The following DNAH3 variants were observed in gnomAD, a reference collection of about 807,000 sequenced individuals.
The protein encoded by DNAH3 is axonemal beta dynein heavy chain 3.
A neutral mutation model predicts 432.5 loss-of-function variants in DNAH3; 332 were observed. The observed-to-expected ratio is 0.77, with a 90% CI of 0.70 to 0.84. The LOEUF is 0.84. Ranked by LOEUF, DNAH3 falls within the 40% of genes least tolerant of loss-of-function variation. The probability of loss-of-function intolerance (pLI) is 0.00; values close to 1 mark genes in which losing one functional copy is unlikely to be tolerated. For missense variants in DNAH3, 4,861 were observed against 5,114.0 expected (o/e 0.95, Z 1.51); for synonymous variants, 1,956 against 1,900.2 (o/e 1.03, Z -0.76).
chr16:21,110,024 T>C (rs1332008146), intron 14 of DNAH3, among the ~76,000 whole-genome samples: 1 of 152,140 alleles, frequency 6.6e-6, no homozygotes, highest in African/African-American at 2.4e-5. Flanking sequence ...CAATCTCATG[T>C]TGGGACTATA....
chr16:21,019,148 C>CTCT (rs1229312096), intron 41 of DNAH3: 1 of 106,772 alleles, frequency 9.4e-6, no homozygotes, highest in Non-Finnish European at 1.9e-5. Context: ...TGGGCCAACT[C>CTCT]TATTTTTTTT....
At position 20,941,504 on chromosome 16, in the gene DNAH3, G is replaced by A. The variant is rs138149672; in HGVS notation, c.11551C>T (p.Leu3851Phe). 9 of 1,614,074 alleles carry A rather than the reference G, an allele frequency of 5.6e-6. No individual in the cohort carries two copies. In the African/African-American group the frequency reaches 1.1e-4, roughly 19 times the overall value. ...TCTTCCAGGTCAAAGTCTCTGGGAA[G>A]CTTGGAGAGAATGTCTTGTGCCAAC... Residue 3851 changes from leucine (L) to phenylalanine (F), a missense_variant, in exon 59 of 62, where the codon CTT becomes TTT. By Grantham distance (22) the Leu-to-Phe change is conservative. Coordinates refer to ENST00000261383, the Ensembl canonical transcript of DNAH3.
At chr16:21,066,660 T>G (rs2090561614) in intron 24 of DNAH3, among the ~76,000 whole-genome samples, 1 of 152,178 alleles carries the variant, frequency 6.6e-6, no homozygotes, top group Non-Finnish European at 1.5e-5. Flanking sequence ...TGAGCCACCA[T>G]GACCAGCCTG....
At chr16:20,965,490 G>T in intron 52 of DNAH3, 65 bp from the exon 53 acceptor site, 1 of 1,356,858 alleles carries the variant, frequency 7.4e-7, no homozygotes. Context: ...AAATTCTGCA[G>T]TGGTTACTGC....
chr16:21,086,888 A>G, exon 19 of DNAH3: 1 of 1,614,190 alleles, frequency 6.2e-7, no homozygotes, highest in Non-Finnish European at 8.5e-7. Context: ...GGTTGCAGGA[A>G]ATACTGAGGA....
chr16:21,141,263 C>A, intron 4 of DNAH3, 37 bp downstream of exon 5: 1 of 1,458,930 alleles, frequency 6.9e-7, no homozygotes, highest in Non-Finnish European at 9.4e-7. Flanking sequence ...TTCAGCCCAC[C>A]GTCCTGCCTT....
At chr16:20,959,336 C>T (rs2084709281) in exon 54 of DNAH3, 2 of 1,614,200 alleles carry the variant, frequency 1.2e-6, no homozygotes, top group African/African-American at 1.3e-5. Context: ...GGGCCTTGGC[C>T]TTGGCCAAGG....
intron 41 of DNAH3, among the ~76,000 whole-genome samples, chr16:21,015,192 A>G (rs914371215): frequency 6.6e-6 from 1 of 152,242 alleles, no homozygotes; most frequent in Non-Finnish European, 1.5e-5. Flanking sequence ...GCATGGATAA[A>G]CATACATACA....
chr16:21,139,351 G>T (rs1234169077), intron 5 of DNAH3, among the ~76,000 whole-genome samples: 2 of 21,960 alleles, frequency 9.1e-5, no homozygotes, highest in South Asian at 1.8e-3. Context: ...TTTTTTTTTT[G>T]AGATATGGTC....
rs974515200 is a variant in DNAH3, at chr16:20,962,408, T to C, written c.10600+876A>G. 5.3e-5 allele frequency among the ~76,000 whole-genome samples: 8 copies of C among 152,220 alleles called. No homozygotes were observed. In the East Asian group the frequency reaches 1.5e-3, roughly 29 times the overall value. On this transcript the variant is annotated intron_variant, in intron 53 of 61. Coordinates refer to ENST00000261383, the Ensembl canonical transcript of DNAH3. The stretch of plus-strand genomic sequence containing the variant: ...CGTGCATTGTGAGGCTTCTTTAAAC[T>C]CCCCAGGTGATTCCAATGTGCAGCC...
chr16:20,944,068 A>C (rs974509974), intron 58 of DNAH3, among the ~76,000 whole-genome samples: 3 of 151,780 alleles, frequency 2.0e-5, no homozygotes, highest in African/African-American at 7.3e-5. Flanking sequence ...TTCAGCTTTC[A>C]TTTTCTTTTT....
intron 41 of DNAH3, among the ~76,000 whole-genome samples, chr16:21,012,761 T>G (rs567008864): frequency 6.6e-6 from 1 of 152,170 alleles, no homozygotes; most frequent in Admixed American, 6.5e-5. Flanking sequence ...AAACACTTTT[T>G]AATTTTTTTT....
At chr16:20,974,993 T>G (rs895247568) in intron 51 of DNAH3, among the ~76,000 whole-genome samples, 1 of 148,528 alleles carries the variant, frequency 6.7e-6, no homozygotes, top group African/African-American at 2.5e-5. Context: ...TAGTTTTTTT[T>G]TTTTTTTTTT....
At chr16:21,075,725 C>T (rs1237835458) in intron 20 of DNAH3, among the ~76,000 whole-genome samples, 164 bp from the exon 21 acceptor site, 1 of 151,698 alleles carries the variant, frequency 6.6e-6, no homozygotes, top group Admixed American at 6.6e-5. Flanking sequence ...CCAGCCTGGG[C>T]AATATAGCAA....
chr16:21,158,164 T>C (rs1456188879), intron 1 of DNAH3, among the ~76,000 whole-genome samples: 2 of 152,248 alleles, frequency 1.3e-5, no homozygotes, highest in African/African-American at 2.4e-5. Context: ...GACTTTTTCA[T>C]GTGTAAAATG....
chr16:21,153,870 C>T (rs1238197777), intron 1 of DNAH3, among the ~76,000 whole-genome samples: 1 of 152,216 alleles, frequency 6.6e-6, no homozygotes, highest in Non-Finnish European at 1.5e-5. Context: ...TTTTCTACTC[C>T]TTTTCCTCAA....
intron 44 of DNAH3, among the ~76,000 whole-genome samples, chr16:20,993,559 T>C (rs558758477): frequency 5.9e-5 from 9 of 152,350 alleles, no homozygotes; most frequent in African/African-American, 2.2e-4. Flanking sequence ...TCCTTAAGTA[T>C]CTTAAATGTG....
At chr16:20,965,549 C>T in intron 52 of DNAH3, 124 bp from the exon 53 acceptor site, 1 of 759,210 alleles carries the variant, frequency 1.3e-6, no homozygotes, top group Non-Finnish European at 2.0e-6. Context: ...AGAGGCCCAG[C>T]CAACCTCATC....
chr16:21,053,163 C>G (rs1215871599), intron 28 of DNAH3, among the ~76,000 whole-genome samples: 1 of 152,130 alleles, frequency 6.6e-6, no homozygotes. Flanking sequence ...TTCCATTGAG[C>G]CTTTCCTTCC....
Sources: gnomAD v4.1 joint callset for allele counts (sites outside exome capture counted in the v4.1 genomes callset) on GRCh38, gnomAD v4.1.1 for gene constraint, MANE v1.5 for transcripts, NCBI Gene and HGNC (gene_info 2026-07-23, HGNC 2026-07-21) for gene names.